The following ST14 variants were observed in gnomAD, a reference collection of about 807,000 sequenced individuals.
ST14 encodes the protein ST14 transmembrane serine protease matriptase.
In ST14, 40 loss-of-function variants were observed where a neutral mutation model predicts 96.5. The observed-to-expected ratio is 0.41, with a 90% CI of 0.32 to 0.54. ST14 has a LOEUF of 0.54. ST14 is among the 20% of genes least tolerant of loss of function. The probability of loss-of-function intolerance (pLI) is 0.17; values close to 1 mark genes in which losing one functional copy is unlikely to be tolerated. For synonymous variants in ST14, 506 were observed against 492.1 expected (o/e 1.03, Z -0.37); for missense variants, 1,066 against 1,188.9 (o/e 0.90, Z 1.52).
chr11:130,185,332 T>C (rs965901352), intron 1 of ST14, among the ~76,000 whole-genome samples: 1 of 151,958 alleles, frequency 6.6e-6, no homozygotes, highest in African/African-American at 2.4e-5. Context: ...AGGATAAATA[T>C]AATAAGGATT....
At chr11:130,180,689 T>A (rs961891475) in intron 1 of ST14, among the ~76,000 whole-genome samples, 1 of 152,230 alleles carries the variant, frequency 6.6e-6, no homozygotes, top group Admixed American at 6.5e-5. Flanking sequence ...TCTGGTTGAC[T>A]CACACAGAGT....
chr11:130,189,369 TG>T lies in ST14; in HGVS notation c.441-366del. The stretch of plus-strand genomic sequence containing the variant: ...TTATTTTGCTAGTTCGTTTGAACCC[TG>T]GGGAATGCTGTGTGGCAGGTGGCAT... On this transcript the variant is annotated intron_variant, in intron 4 of 18. Transcript: ENST00000278742. The T allele has an allele frequency of 6.6e-6, 3 of 451,634 alleles. No homozygotes were observed. In the South Asian group the frequency reaches 7.1e-5, roughly 11 times the overall value. The allele number at this position is 451,634 out of a possible 1,614,324, so 28.0% of individuals were successfully genotyped here.
In ST14 at chr11:130,188,446, G is replaced by C; in HGVS notation, c.242-84G>C. 1 of 1,606,812 alleles carries C rather than the reference G, an allele frequency of 6.2e-7. No individual in the cohort carries two copies. Among genetic ancestry groups the C allele is most frequent in the South Asian group, 1.1e-5 (1 of 90,648 alleles). On this transcript the variant is annotated intron_variant, in intron 2 of 18. Transcript: ENST00000278742. The surrounding 1 kb of genome is among the most constrained non-coding windows in gnomAD (Gnocchi z 5.4). ...AGGGCTGACCCATGGCCCCCTCCTG[G>C]CATTCATTCCCCATTGTGGACGGCG...
At chr11:130,165,071 A>G (rs1160273093) in intron 1 of ST14, among the ~76,000 whole-genome samples, 1 of 152,142 alleles carries the variant, frequency 6.6e-6, no homozygotes, top group Non-Finnish European at 1.5e-5. Flanking sequence ...ATAGGTGAGG[A>G]AAATGGAGCA....
rs776959121 is a variant in ST14, at chr11:130,190,631, G to A, written c.812G>A (p.Arg271His). 6.2e-6 allele frequency: 10 copies of A among 1,610,842 alleles called. No individual in the cohort carries two copies. The African/African-American group carries it at 8.0e-5, about 13-fold the overall frequency. The change falls in exon 7 of 19, where the codon CGC becomes CAC. Residue 271 changes from arginine (R) to histidine (H), a missense_variant. Arg to His is a conservative substitution (Grantham distance 29). Coordinates refer to ENST00000278742, the MANE Select transcript of ST14 (RefSeq NM_021978.4). ...RSFDLASCDE[R>H]GSDLVTVYNT... The stretch of plus-strand genomic sequence containing the variant: ...TTTGACCTTGCGTCCTGCGACGAGC[G>A]CGGCAGCGACCTGGTGACGGTGTAC...
At position 130,209,475 on chromosome 11, in the gene ST14, T is replaced by C. The variant is rs1247624740; in HGVS notation, c.2303T>C (p.Ile768Thr). The change falls in exon 18 of 19, where the codon ATC (isoleucine) becomes ACC (threonine). Residue 768 changes from isoleucine to threonine, a missense_variant. By Grantham distance (89) the Ile-to-Thr change is moderately conservative. Transcript: ENST00000278742. Reference sequence around the variant, plus strand: ...GCGCTGATCCTGCAAAAGGGTGAGATCCGCGTCATCAACCAGACCACCTGC... The same window carrying C: ...GCGCTGATCCTGCAAAAGGGTGAGACCCGCGTCATCAACCAGACCACCTGC... Reference protein sequence around the residue: ...TGALILQKGEIRVINQTTCEN... With the variant: ...TGALILQKGETRVINQTTCEN... 1.3e-6 allele frequency: 2 copies of C among 1,586,066 alleles called. No homozygotes were observed. The highest frequency in any genetic ancestry group is 8.6e-7 in the Non-Finnish European group (1 of 1,166,458).
intron 1 of ST14, among the ~76,000 whole-genome samples, chr11:130,183,420 T>C (rs929347223): frequency 2.6e-5 from 4 of 152,116 alleles, no homozygotes; most frequent in African/African-American, 9.7e-5. Context: ...TAAAAATGTC[T>C]AGTTGCAGCT....
At position 130,188,624 on chromosome 11, in the gene ST14, G is replaced by C; in HGVS notation, c.336G>C (p.Glu112Asp). The C allele has an allele frequency of 1.9e-6, 3 of 1,614,248 alleles. No homozygotes were observed. The highest frequency in any genetic ancestry group is 2.5e-6 in the Non-Finnish European group (3 of 1,180,036). Reference sequence around the variant, plus strand: ...CCTACGAGAACTCCAACTCCACTGAGTTTGTAAGCCTGGCCAGCAAGGTGA... The same window carrying C: ...CCTACGAGAACTCCAACTCCACTGACTTTGTAAGCCTGGCCAGCAAGGTGA... Reference protein sequence around the residue: ...VDAYENSNSTEFVSLASKVKD... With the variant: ...VDAYENSNSTDFVSLASKVKD... Residue 112 changes from glutamate to aspartate, a missense_variant, in exon 3 of 19, where the codon GAG becomes GAC. Glu to Asp is a conservative substitution (Grantham distance 45). Coordinates refer to ENST00000278742, the MANE Select transcript of ST14 (RefSeq NM_021978.4). This position sits in a 1 kb window ranked among gnomAD's most constrained non-coding sequence, Gnocchi z 5.4.
intron 11 of ST14, 86 bp downstream of exon 11, chr11:130,196,786 G>A: frequency 1.3e-6 from 2 of 1,589,622 alleles, no homozygotes; most frequent in Non-Finnish European, 1.7e-6. Flanking sequence ...ATCGTGCTTT[G>A]CTGATTCTAA....
intron 1 of ST14, among the ~76,000 whole-genome samples, chr11:130,164,086 G>A (rs1444267064): frequency 1.3e-5 from 2 of 152,218 alleles, no homozygotes; most frequent in Non-Finnish European, 2.9e-5. Context: ...GTTCTGCCAA[G>A]GCTGGTGGCT....
intron 1 of ST14, among the ~76,000 whole-genome samples, chr11:130,185,196 C>A (rs375964948): frequency 1.3e-5 from 2 of 151,720 alleles, no homozygotes; most frequent in Non-Finnish European, 2.9e-5. Context: ...ATACAAGATG[C>A]CATGAAAGAG....
chr11:130,178,538 C>G (rs73034627), intron 1 of ST14, among the ~76,000 whole-genome samples: 277 of 152,254 alleles, frequency 1.8e-3, no homozygotes, highest in Non-Finnish European at 2.7e-3. Context: ...CTGGCTGCTC[C>G]CTGGCAGAGA....
At chr11:130,171,512 G>T (rs1221437162) in intron 1 of ST14, among the ~76,000 whole-genome samples, 2 of 152,150 alleles carry the variant, frequency 1.3e-5, no homozygotes, top group African/African-American at 4.8e-5. Flanking sequence ...TCAGAAGTGG[G>T]CTCGCTGGAT....
At chr11:130,205,924 C>T (rs1419659806) in intron 16 of ST14, among the ~76,000 whole-genome samples, 1 of 151,966 alleles carries the variant, frequency 6.6e-6, no homozygotes, top group Non-Finnish European at 1.5e-5. Flanking sequence ...GTCTCAAACT[C>T]CCAACCTTGT....
intron 7 of ST14, among the ~76,000 whole-genome samples, 195 bp from the exon 8 acceptor site, chr11:130,193,954 C>T (rs929317796): frequency 4.6e-5 from 7 of 152,280 alleles, no homozygotes; most frequent in African/African-American, 1.2e-4. Flanking sequence ...TTATCACTAG[C>T]GCCTTCCATC....
chr11:130,170,311 GGGGA>G (rs1386591516), intron 1 of ST14, among the ~76,000 whole-genome samples: 1 of 152,082 alleles, frequency 6.6e-6, no homozygotes, highest in Non-Finnish European at 1.5e-5. Flanking sequence ...AGCCTGCCCT[GGGGA>G]GGCTGCCTAA....
Position 130,191,778 on chromosome 11 carries a change from T to A in ST14, c.875+1084T>A, listed in dbSNP as rs142215007. On this transcript the variant is annotated intron_variant, in intron 7 of 18. Transcript: ENST00000278742. The stretch of plus-strand genomic sequence containing the variant: ...GGTGAGAGGTTTAGAACTGGCTTGT[T>A]TGAATAATTTCAGTAGGCTCCGGGG... Among the ~76,000 whole-genome samples, 760 of 152,040 alleles carry A rather than the reference T, an allele frequency of 5.0e-3. 13 individuals are homozygous for A. The highest frequency in any genetic ancestry group is 4.6e-3 in the Non-Finnish European group (312 of 68,004).
chr11:130,190,322 C>T lies in ST14; in HGVS notation c.635-132C>T, dbSNP rs478745. ...CTGAGAAGCCCCCTTCCTGATTTCC[C>T]GAGGCCCAGGGCAGCCTGGGGCGTC... On this transcript the variant is annotated intron_variant, in intron 6 of 18. Transcript: ENST00000278742. 1,028,389 of 1,515,812 alleles carry T rather than the reference C, an allele frequency of 0.68. 360,596 individuals carry two copies. Among genetic ancestry groups the T allele is most frequent in the South Asian group, 0.79 (66,448 of 84,644 alleles). The allele number at this position is 1,515,812 out of a possible 1,614,324, so 93.9% of individuals were successfully genotyped here.
chr11:130,178,195 T>C (rs1256822357), intron 1 of ST14, among the ~76,000 whole-genome samples: 1 of 152,088 alleles, frequency 6.6e-6, no homozygotes, highest in East Asian at 1.9e-4. Context: ...GGAAAAAGGG[T>C]TTAACAAACC....
Sources: allele counts gnomAD v4.1 joint callset (sites outside exome capture counted in the v4.1 genomes callset), GRCh38; gene constraint gnomAD v4.1.1; non-coding constraint Gnocchi (gnomAD v3.1); transcripts MANE v1.5; gene names NCBI Gene and HGNC (gene_info 2026-07-23, HGNC 2026-07-21).